Variants in TEX11 observed in about 807,000 individuals in gnomAD.
TEX11 encodes the protein testis-expressed protein 11.
TEX11 carries 7 observed loss-of-function variants against 84.4 expected under a neutral mutation model. That is an observed-to-expected ratio of 0.08 (90% CI 0.05 to 0.16). TEX11 has a LOEUF of 0.16. Among genes scored for constraint, TEX11 ranks in the 10% least tolerant of loss-of-function variants. The probability of loss-of-function intolerance (pLI) is 1.00; values close to 1 mark genes in which losing one functional copy is unlikely to be tolerated. For missense variants in TEX11, 551 were observed against 660.5 expected (o/e 0.83, Z 1.82); for synonymous variants, 264 against 222.8 (o/e 1.18, Z -1.64).
At chrX:70,551,611 A>G (rs188535888) in intron 28 of TEX11, among the ~76,000 whole-genome samples, 1 of 111,931 alleles carries the variant, frequency 8.9e-6, no homozygotes, top group Admixed American at 9.5e-5. Flanking sequence ...CTATAAATTT[A>G]CTGAATTGTG....
At chrX:70,530,836 T>C (rs1424443027) in intron 28 of TEX11, among the ~76,000 whole-genome samples, 1 of 111,962 alleles carries the variant, frequency 8.9e-6, no homozygotes, top group Non-Finnish European at 1.9e-5. Flanking sequence ...ATCCTAAAGG[T>C]TGTGCAATGC....
At chrX:70,643,629 T>C (rs2147593495) in intron 17 of TEX11, among the ~76,000 whole-genome samples, 1 of 109,916 alleles carries the variant, frequency 9.1e-6, no homozygotes, top group African/African-American at 3.3e-5. Flanking sequence ...TATCTACAAC[T>C]CTCTGATCTT....
intron 11 of TEX11, among the ~76,000 whole-genome samples, chrX:70,739,531 C>G (rs1042717154): frequency 9.2e-6 from 1 of 108,715 alleles, no homozygotes; most frequent in Non-Finnish European, 1.9e-5. Context: ...CCTGCCTCAG[C>G]CTCCCGAGTA....
chrX:70,730,680 G>C (rs1427562239), intron 11 of TEX11, among the ~76,000 whole-genome samples: 1 of 111,217 alleles, frequency 9.0e-6, no homozygotes, highest in African/African-American at 3.3e-5. Flanking sequence ...ACAAAGAGAC[G>C]TAGACTCCCA....
intron 9 of TEX11, among the ~76,000 whole-genome samples, chrX:70,753,669 T>C (rs2090846035): frequency 9.1e-6 from 1 of 110,256 alleles, no homozygotes; most frequent in Admixed American, 9.7e-5. Flanking sequence ...TTACTAGCTG[T>C]GGTGGATATG....
intron 13 of TEX11, among the ~76,000 whole-genome samples, chrX:70,699,685 A>T (rs1359853140): frequency 8.9e-6 from 1 of 111,874 alleles, no homozygotes; most frequent in Non-Finnish European, 1.9e-5. Context: ...TAGAAAACAA[A>T]CGATAAAAGC....
chrX:70,625,241 G>T (rs916491309), intron 18 of TEX11, among the ~76,000 whole-genome samples: 1 of 110,632 alleles, frequency 9.0e-6, no homozygotes, highest in Non-Finnish European at 1.9e-5. Flanking sequence ...AAGAACCCCA[G>T]ATTGTCAGGT....
At chrX:70,699,041 G>T (rs4844251) in intron 13 of TEX11, among the ~76,000 whole-genome samples, 8,720 of 111,063 alleles carry the variant, frequency 0.079, 424 homozygotes, top group Admixed American at 0.24. Context: ...TGCAGTATCT[G>T]CCTGGTCTCT....
chrX:70,670,076 ATGGT>A lies in TEX11; in HGVS notation c.1380+297_1380+300del, dbSNP rs1175189804. 3.3e-4 allele frequency among the ~76,000 whole-genome samples: 37 copies of A among 112,399 alleles called. No homozygotes were observed. The East Asian group carries it at 8.9e-3, about 27-fold the overall frequency. On this transcript the variant is annotated intron_variant, in intron 16 of 29. Coordinates refer to ENST00000374333, the MANE Select transcript of TEX11 (RefSeq NM_031276.3). Reference sequence around the variant, plus strand: ...CTTGCTGCAAAGGACAATATTACAGATGGTTAGTAGCAGATAACTTTGTTCAGGA... The same window carrying A: ...CTTGCTGCAAAGGACAATATTACAGATAGTAGCAGATAACTTTGTTCAGGA...
chrX:70,604,930 T>C (rs1461111008), intron 24 of TEX11, among the ~76,000 whole-genome samples: 2 of 111,426 alleles, frequency 1.8e-5, no homozygotes, highest in Non-Finnish European at 3.8e-5. Context: ...GAATTCTGTC[T>C]TGTAGAAATT....
chrX:70,839,948 T>C (rs184747008), intron 7 of TEX11, among the ~76,000 whole-genome samples: 30 of 110,768 alleles, frequency 2.7e-4, no homozygotes, highest in Admixed American at 1.3e-3. Flanking sequence ...TAAAAAGAAA[T>C]GAACAAAGCC....
intron 9 of TEX11, among the ~76,000 whole-genome samples, chrX:70,752,958 A>G (rs2090839658): frequency 9.1e-6 from 1 of 110,390 alleles, no homozygotes; most frequent in Non-Finnish European, 1.9e-5. Context: ...TATAGCAGAA[A>G]GAAAAGCAGG....
intron 15 of TEX11, among the ~76,000 whole-genome samples, chrX:70,674,381 G>A (rs1467253675): frequency 8.9e-6 from 1 of 111,801 alleles, no homozygotes; most frequent in Non-Finnish European, 1.9e-5. Flanking sequence ...GTGTCTTTAT[G>A]ATAGAATGAT....
At chrX:70,604,155 C>T (rs2089167676) in intron 24 of TEX11, among the ~76,000 whole-genome samples, 1 of 110,844 alleles carries the variant, frequency 9.0e-6, no homozygotes, top group Non-Finnish European at 1.9e-5. Context: ...GTGAAATTTC[C>T]CCCACATCAA....
chrX:70,686,906 G>A (rs976272801), intron 13 of TEX11, among the ~76,000 whole-genome samples: 5 of 110,538 alleles, frequency 4.5e-5, no homozygotes, highest in Admixed American at 1.9e-4. Flanking sequence ...AAGAGATCTC[G>A]CCTTAATAAA....
At chrX:70,608,895 T>C (rs1483968186) in intron 22 of TEX11, among the ~76,000 whole-genome samples, 196 bp downstream of exon 22, 2 of 111,833 alleles carry the variant, frequency 1.8e-5, no homozygotes, top group Non-Finnish European at 3.8e-5. Context: ...GAAAAAAGTA[T>C]ATATGCTGTT....
At chrX:70,684,401 C>T (rs1336039479) in intron 13 of TEX11, among the ~76,000 whole-genome samples, 1 of 111,721 alleles carries the variant, frequency 9.0e-6, no homozygotes. Context: ...GACTGGCCAA[C>T]ATGGTGAAAC....
intron 5 of TEX11, among the ~76,000 whole-genome samples, chrX:70,857,732 T>C (rs2091544906): frequency 8.9e-6 from 1 of 112,032 alleles, no homozygotes; most frequent in African/African-American, 3.2e-5. Context: ...ATAGCGAATC[T>C]TCTTTTAGTG....
rs1451318189 is a variant in TEX11, at chrX:70,740,800, T to TA, written c.748-5dup. On this transcript the variant is annotated splice_region_variant and splice_polypyrimidine_tract_variant and intron_variant, in intron 10 of 29. Transcript: ENST00000374333. The stretch of plus-strand genomic sequence containing the variant: ...CTAATAGCCGTAGAACTTTAGCCTG[T>TA]AAGAAAAAAAAAAAGAAAAAAAGCA... 2.7e-6 allele frequency: 3 copies of TA among 1,122,520 alleles called. No homozygotes were observed. The highest frequency in any genetic ancestry group is 2.6e-5 in the Admixed American group (1 of 37,960). The allele number at this position is 1,122,520 out of a possible 1,213,427, so 92.5% of individuals were successfully genotyped here.
Sources: allele counts gnomAD v4.1 joint callset (sites outside exome capture counted in the v4.1 genomes callset), GRCh38; gene constraint gnomAD v4.1.1; transcripts MANE v1.5; gene names NCBI Gene and HGNC (gene_info 2026-07-23, HGNC 2026-07-21).